The following ITPR1 variants were observed in gnomAD, a reference collection of about 807,000 sequenced individuals.
ITPR1 encodes inositol 1,4,5-trisphosphate-gated calcium channel ITPR1.
ITPR1 carries 96 observed loss-of-function variants against 318.4 expected under a neutral mutation model. The ratio of observed to expected loss-of-function variants is 0.30; its 90% CI spans 0.26 to 0.36. The LOEUF is 0.36. ITPR1 is among the 10% of genes least tolerant of loss of function. ITPR1 has a pLI of 1.00. For synonymous variants in ITPR1, 1,312 were observed against 1,289.9 expected (o/e 1.02, Z -0.37); for missense variants, 2,440 against 3,460.2 (o/e 0.71, Z 7.40).
intron 4 of ITPR1, among the ~76,000 whole-genome samples, chr3:4,613,842 G>A (rs1053005415): frequency 2.0e-5 from 3 of 151,864 alleles, no homozygotes; most frequent in South Asian, 2.1e-4. Context: ...ATATGCACAC[G>A]CCTTAAATGT....
At chr3:4,503,462 A>G (rs1033135363) in intron 2 of ITPR1, among the ~76,000 whole-genome samples, 3 of 152,196 alleles carry the variant, frequency 2.0e-5, no homozygotes, top group African/African-American at 7.2e-5. Flanking sequence ...CTAAAAACAA[A>G]TGTTTGCAGA....
At chr3:4,760,128 G>C (rs1179762305) in intron 44 of ITPR1, among the ~76,000 whole-genome samples, 1 of 152,236 alleles carries the variant, frequency 6.6e-6, no homozygotes, top group Admixed American at 6.5e-5. Flanking sequence ...AGTTGGTTGT[G>C]GCTCTGCCAC....
At chr3:4,718,778 C>G (rs1028934495) in intron 40 of ITPR1, among the ~76,000 whole-genome samples, 4 of 152,146 alleles carry the variant, frequency 2.6e-5, no homozygotes, top group Non-Finnish European at 5.9e-5. Context: ...AATTAACTGC[C>G]GTTAACTGCA....
intron 24 of ITPR1, among the ~76,000 whole-genome samples, chr3:4,678,121 A>C (rs1392393064): frequency 2.6e-5 from 4 of 152,114 alleles, no homozygotes; most frequent in Non-Finnish European, 4.4e-5. Context: ...TTTATTTTTT[A>C]GTCTGAAATC....
chr3:4,747,348 A>G (rs1238047130), intron 44 of ITPR1, among the ~76,000 whole-genome samples: 1 of 152,214 alleles, frequency 6.6e-6, no homozygotes, highest in Non-Finnish European at 1.5e-5. Flanking sequence ...TCAGAGTCAC[A>G]GAGCCAGCTG....
At chr3:4,641,489 A>G (rs908345875) in intron 6 of ITPR1, among the ~76,000 whole-genome samples, 6 of 152,118 alleles carry the variant, frequency 3.9e-5, no homozygotes, top group African/African-American at 1.4e-4. Context: ...TGATCCTCCC[A>G]CCTCAACCTC....
At chr3:4,753,693 T>C (rs1343451243) in intron 44 of ITPR1, among the ~76,000 whole-genome samples, 2 of 152,178 alleles carry the variant, frequency 1.3e-5, no homozygotes, top group African/African-American at 4.8e-5. Flanking sequence ...CCTAAGCCAG[T>C]GTCCTTGCCT....
intron 23 of ITPR1, 106 bp from the exon 24 acceptor site, chr3:4,676,502 TGGAATA>T: frequency 1.4e-6 from 1 of 739,976 alleles, no homozygotes; most frequent in South Asian, 1.9e-5. Flanking sequence ...GAGATTATGT[TGGAATA>T]GGGATATGTT....
chr3:4,602,373 A>C (rs11714782), intron 4 of ITPR1, among the ~76,000 whole-genome samples: 121 of 151,980 alleles, frequency 8.0e-4, no homozygotes, highest in Non-Finnish European at 1.4e-3. Context: ...CAACAACAAC[A>C]AAAAATTAGC....
chr3:4,615,816 A>G (rs1295877946), intron 4 of ITPR1, among the ~76,000 whole-genome samples: 1 of 152,122 alleles, frequency 6.6e-6, no homozygotes, highest in Non-Finnish European at 1.5e-5. Flanking sequence ...CCAGTTGATT[A>G]ATGTGTTGGT....
intron 61 of ITPR1, among the ~76,000 whole-genome samples, chr3:4,841,274 A>G (rs977267534): frequency 1.3e-5 from 2 of 152,200 alleles, no homozygotes; most frequent in Non-Finnish European, 2.9e-5. Context: ...AGAAGTAGGT[A>G]GGTAGTGGTC....
rs1042182094 is a variant in ITPR1 at position 4,622,609 on chromosome 3, A to G, written c.164-5154A>G. Among the ~76,000 whole-genome samples, 3 of 151,554 alleles carry G rather than the reference A, an allele frequency of 2.0e-5. No individual in the cohort carries two copies. The East Asian group carries it at 5.8e-4, about 30-fold the overall frequency. ...CAGCTAATTTTTGTATTTTTAGTAG[A>G]CACGGGGTTTCACCATGTTGGCCTC... On this transcript the variant is annotated intron_variant, in intron 4 of 61. Transcript: ENST00000649015.
chr3:4,537,243 G>A (rs1487121749), intron 4 of ITPR1, among the ~76,000 whole-genome samples: 2 of 152,180 alleles, frequency 1.3e-5, no homozygotes, highest in African/African-American at 4.8e-5. Flanking sequence ...GGTAGAACAC[G>A]TGAGTAAAGT....
chr3:4,554,715 C>T (rs534388130), intron 4 of ITPR1, among the ~76,000 whole-genome samples: 2 of 152,014 alleles, frequency 1.3e-5, no homozygotes, highest in African/African-American at 2.4e-5. Context: ...GCCAGTGACT[C>T]GAAATATCTG....
chr3:4,552,921 T>C (rs1410427104), intron 4 of ITPR1, among the ~76,000 whole-genome samples: 1 of 152,184 alleles, frequency 6.6e-6, no homozygotes, highest in East Asian at 1.9e-4. Flanking sequence ...AGACCAAATA[T>C]ATATTTCACA....
intron 44 of ITPR1, among the ~76,000 whole-genome samples, chr3:4,760,481 C>T (rs7627280): frequency 0.56 from 85,776 of 152,046 alleles, 25,994 homozygotes; most frequent in Non-Finnish European, 0.68. Flanking sequence ...TAAATGTAGA[C>T]TTTGATTCGA....
intron 4 of ITPR1, among the ~76,000 whole-genome samples, chr3:4,601,708 C>G (rs1227149629): frequency 2.0e-5 from 3 of 152,128 alleles, no homozygotes; most frequent in Non-Finnish European, 4.4e-5. Flanking sequence ...ATAAATTGCA[C>G]TTCGTCAAAA....
chr3:4,516,681 T>C, intron 3 of ITPR1, 98 bp downstream of exon 3: 2 of 790,282 alleles, frequency 2.5e-6, no homozygotes, highest in Non-Finnish European at 4.3e-6. Flanking sequence ...GTCACCGTTT[T>C]ACTTGGCTTT....
At chr3:4,606,845 A>G (rs572563172) in intron 4 of ITPR1, among the ~76,000 whole-genome samples, 2 of 151,930 alleles carry the variant, frequency 1.3e-5, no homozygotes, top group African/African-American at 4.8e-5. Flanking sequence ...ATTTTCTTTC[A>G]CAAGTTTCTG....
Sources: allele counts gnomAD v4.1 joint callset (sites outside exome capture counted in the v4.1 genomes callset), GRCh38; gene constraint gnomAD v4.1.1; transcripts MANE v1.5; gene names NCBI Gene and HGNC (gene_info 2026-07-23, HGNC 2026-07-21).